ABCC12: variants seen among roughly 807,000 people sequenced by gnomAD.
ABCC12 encodes the protein ATP-binding cassette sub-family C member 12.
In ABCC12, 142 loss-of-function variants were observed where a neutral mutation model predicts 151.1. The ratio of observed to expected loss-of-function variants is 0.94; its 90% CI spans 0.82 to 1.08. The LOEUF is 1.08. Among genes scored for constraint, ABCC12 ranks in the 50% least tolerant of loss-of-function variants. ABCC12 has a pLI of 0.00. For missense variants in ABCC12, 1,638 were observed against 1,691.1 expected (o/e 0.97, Z 0.55); for synonymous variants, 645 against 646.4 (o/e 1.00, Z 0.03).
At chr16:48,110,069 C>T (rs1244597683) in intron 18 of ABCC12, among the ~76,000 whole-genome samples, 2 of 152,206 alleles carry the variant, frequency 1.3e-5, no homozygotes, top group Non-Finnish European at 2.9e-5. Context: ...GACCCCAAAT[C>T]CCGGGCAGCC....
In ABCC12 at chr16:48,088,747, A is replaced by G. The variant is rs773022512; in HGVS notation, c.3286-13T>C. On this transcript the variant is annotated splice_polypyrimidine_tract_variant and intron_variant, in intron 25 of 30. Coordinates refer to ENST00000311303, the MANE Select transcript of ABCC12 (RefSeq NM_001393797.1). ...CAGGAACACAGGTCTGTAAAGGAGA[A>G]TAACCAATGACCAGTGACTAGCCAT... 2 of 1,597,270 alleles carry G rather than the reference A, an allele frequency of 1.3e-6. No homozygotes were observed. Among genetic ancestry groups the G allele is most frequent in the African/African-American group, 1.3e-5 (1 of 74,256 alleles).
intron 8 of ABCC12, among the ~76,000 whole-genome samples, chr16:48,135,988 C>T (rs1312526013): frequency 6.6e-6 from 1 of 151,892 alleles, no homozygotes; most frequent in African/African-American, 2.4e-5. Context: ...GTGCTCTGCT[C>T]AACACTTCAC....
At chr16:48,088,142 A>G (rs1224696829) in intron 26 of ABCC12, 57 bp from the exon 27 acceptor site, 19 of 1,570,416 alleles carry the variant, frequency 1.2e-5, no homozygotes, top group Non-Finnish European at 1.7e-5. Flanking sequence ...CTTCCATCAT[A>G]TCCAAGCATT....
chr16:48,152,785 G>T (rs185607068), intron 2 of ABCC12, among the ~76,000 whole-genome samples: 6 of 152,258 alleles, frequency 3.9e-5, no homozygotes, highest in Admixed American at 2.0e-4. Flanking sequence ...AATACCAGAT[G>T]AACCCAAAGG....
At chr16:48,088,874 G>C in intron 25 of ABCC12, 140 bp from the exon 26 acceptor site, 1 of 699,978 alleles carries the variant, frequency 1.4e-6, no homozygotes, top group South Asian at 2.6e-5. Context: ...CTTAATTCTA[G>C]AAACTCACAT....
At chr16:48,152,544 C>T (rs1440278551) in intron 2 of ABCC12, among the ~76,000 whole-genome samples, 1 of 152,174 alleles carries the variant, frequency 6.6e-6, no homozygotes, top group Non-Finnish European at 1.5e-5. Context: ...AGCAGGTTAG[C>T]TGATGAAGAA....
chr16:48,123,396 A>G (rs1964136554), intron 12 of ABCC12, among the ~76,000 whole-genome samples: 1 of 152,128 alleles, frequency 6.6e-6, no homozygotes, highest in African/African-American at 2.4e-5. Context: ...CAGGCAGGGA[A>G]GGAGTTGTCA....
chr16:48,086,477 G>C, intron 28 of ABCC12: 1 of 354,606 alleles, frequency 2.8e-6, no homozygotes, highest in East Asian at 4.7e-5. Flanking sequence ...AAAATTAGGG[G>C]TAAGAGTACC....
chr16:48,091,369 A>C (rs1450890643), intron 24 of ABCC12, 160 bp from the exon 25 acceptor site: 1 of 651,204 alleles, frequency 1.5e-6, no homozygotes, highest in African/African-American at 1.8e-5. Context: ...CCCAGAAGTA[A>C]AGATATTCCT....
At chr16:48,093,637 C>A (rs1311270152) in intron 24 of ABCC12, among the ~76,000 whole-genome samples, 1 of 152,142 alleles carries the variant, frequency 6.6e-6, no homozygotes, top group Non-Finnish European at 1.5e-5. Flanking sequence ...GCTGATTCCA[C>A]AGCCACTAGC....
At chr16:48,106,466 A>G (rs1405998936) in intron 20 of ABCC12, among the ~76,000 whole-genome samples, 1 of 152,230 alleles carries the variant, frequency 6.6e-6, no homozygotes, top group African/African-American at 2.4e-5. Context: ...GGAAGCACCA[A>G]GCCTGTGAGG....
At chr16:48,125,815 C>T (rs1390439720) in intron 11 of ABCC12, among the ~76,000 whole-genome samples, 2 of 152,176 alleles carry the variant, frequency 1.3e-5, no homozygotes, top group East Asian at 3.9e-4. Context: ...ATCAATAATT[C>T]CTTAAACAAG....
chr16:48,128,397 G>A, intron 11 of ABCC12, 62 bp downstream of exon 11: 1 of 1,586,804 alleles, frequency 6.3e-7, no homozygotes, highest in East Asian at 2.2e-5. Context: ...ACCTGGAGAA[G>A]GCTGTAGCTA....
At chr16:48,104,029 A>C in intron 22 of ABCC12, 113 bp downstream of exon 22, 1 of 1,175,146 alleles carries the variant, frequency 8.5e-7, no homozygotes, top group Non-Finnish European at 1.2e-6. Flanking sequence ...GTACAAAAAA[A>C]ATCAATGGTA....
At chr16:48,134,110 G>C (rs1405544025) in intron 8 of ABCC12, among the ~76,000 whole-genome samples, 1 of 152,148 alleles carries the variant, frequency 6.6e-6, no homozygotes. Flanking sequence ...TGCTTAGAAG[G>C]GCCAGGCAAG....
At chr16:48,112,737 T>C (rs546430552) in intron 15 of ABCC12, among the ~76,000 whole-genome samples, 43 of 152,248 alleles carry the variant, frequency 2.8e-4, no homozygotes, top group African/African-American at 1.0e-3. Context: ...CAAGCCTCCC[T>C]CATCATCCCC....
At chr16:48,102,147 C>T (rs902589210) in intron 22 of ABCC12, among the ~76,000 whole-genome samples, 1 of 152,062 alleles carries the variant, frequency 6.6e-6, no homozygotes, top group African/African-American at 2.4e-5. Flanking sequence ...GACAGATGTA[C>T]CTTTGATTAG....
At chr16:48,098,202 T>C (rs1334446315) in intron 23 of ABCC12, among the ~76,000 whole-genome samples, 1 of 150,926 alleles carries the variant, frequency 6.6e-6, no homozygotes, top group Non-Finnish European at 1.5e-5. Flanking sequence ...ATATTCAAGA[T>C]TGAAATTTTC....
intron 22 of ABCC12, among the ~76,000 whole-genome samples, chr16:48,101,262 A>C (rs1045555849): frequency 6.6e-6 from 1 of 152,180 alleles, no homozygotes; most frequent in African/African-American, 2.4e-5. Context: ...ATATCAGGAA[A>C]GTCTCGCTCC....
Sources: allele counts gnomAD v4.1 joint callset (sites outside exome capture counted in the v4.1 genomes callset), GRCh38; gene constraint gnomAD v4.1.1; transcripts MANE v1.5; gene names NCBI Gene and HGNC (gene_info 2026-07-23, HGNC 2026-07-21).